LRRC63: variants seen among roughly 807,000 people sequenced by gnomAD.
The protein encoded by LRRC63 is leucine-rich repeat-containing protein 63.
LRRC63 carries 40 observed loss-of-function variants against 49.5 expected under a neutral mutation model. The observed-to-expected ratio is 0.81, with a 90% CI of 0.63 to 1.05. The LOEUF (loss-of-function observed/expected upper bound fraction) is 1.05, where lower values mean the gene tolerates loss of function less well. Among genes scored for constraint, LRRC63 ranks in the 50% least tolerant of loss-of-function variants. LRRC63 has a pLI of 0.00. For missense variants in LRRC63, 636 were observed against 663.1 expected, an observed-to-expected ratio of 0.96 and a Z score of 0.45; for synonymous variants, 191 against 221.1, an observed-to-expected ratio of 0.86 and a Z score of 1.21.
intron 4 of LRRC63, among the ~76,000 whole-genome samples, chr13:46,228,965 T>G (rs1180021759): frequency 6.6e-6 from 1 of 152,164 alleles, no homozygotes; most frequent in Non-Finnish European, 1.5e-5. Flanking sequence ...ACTCGTAATC[T>G]GGGTGGGGTG....
intron 7 of LRRC63, among the ~76,000 whole-genome samples, chr13:46,259,395 C>A (rs1369622409): frequency 2.0e-5 from 3 of 151,966 alleles, no homozygotes; most frequent in African/African-American, 7.3e-5. Flanking sequence ...AAGGTTAAAA[C>A]AAAAAGTCTT....
chr13:46,216,217 A>G (rs1171269613), intron 2 of LRRC63, among the ~76,000 whole-genome samples: 1 of 152,136 alleles, frequency 6.6e-6, no homozygotes, highest in East Asian at 1.9e-4. Context: ...CAGTATGGCC[A>G]TTTTCACGAT....
At chr13:46,271,330 T>C (rs1162120932) in intron 9 of LRRC63, among the ~76,000 whole-genome samples, 1 of 152,200 alleles carries the variant, frequency 6.6e-6, no homozygotes, top group Non-Finnish European at 1.5e-5. Context: ...CCGCCTTTCT[T>C]ACCCAATCTG....
At chr13:46,262,914 G>A (rs1184638507) in intron 8 of LRRC63, among the ~76,000 whole-genome samples, 1 of 151,830 alleles carries the variant, frequency 6.6e-6, no homozygotes, top group Non-Finnish European at 1.5e-5. Flanking sequence ...ATTTTATTTT[G>A]TTTCCTAGGA....
intron 9 of LRRC63, chr13:46,270,444 A>G (rs1281308931): frequency 1.3e-6 from 1 of 790,338 alleles, no homozygotes; most frequent in Non-Finnish European, 2.3e-6. Flanking sequence ...ATGGAAGTGA[A>G]TGAAAAACAT....
intron 2 of LRRC63, among the ~76,000 whole-genome samples, chr13:46,215,536 T>C (rs1007120824): frequency 6.6e-6 from 1 of 152,200 alleles, no homozygotes. Flanking sequence ...GATGGGTAGA[T>C]TGCAGAAGTT....
At chr13:46,229,365 G>A (rs968532187) in intron 4 of LRRC63, among the ~76,000 whole-genome samples, 7 of 152,190 alleles carry the variant, frequency 4.6e-5, no homozygotes, top group African/African-American at 1.7e-4. Context: ...GAAGGAACTG[G>A]ACAGTAACCA....
intron 5 of LRRC63, among the ~76,000 whole-genome samples, chr13:46,237,968 A>G (rs930619913): frequency 6.6e-6 from 1 of 152,200 alleles, no homozygotes; most frequent in Non-Finnish European, 1.5e-5. Context: ...CAAACAAAGA[A>G]AAATCCAGGA....
chr13:46,246,447 C>T, intron 5 of LRRC63, 80 bp from the exon 6 acceptor site: 1 of 555,062 alleles, frequency 1.8e-6, no homozygotes, highest in Non-Finnish European at 2.9e-6. Flanking sequence ...AAATTATGTG[C>T]TGATTTTGTT....
At chr13:46,233,231 T>C (rs1200020805) in intron 4 of LRRC63, among the ~76,000 whole-genome samples, 3 of 152,170 alleles carry the variant, frequency 2.0e-5, no homozygotes, top group Admixed American at 1.3e-4. Flanking sequence ...CAACCAACTC[T>C]GTGGGCTTAG....
intron 7 of LRRC63, among the ~76,000 whole-genome samples, chr13:46,258,611 C>CA (rs1395789935): frequency 2.0e-5 from 3 of 150,098 alleles, no homozygotes; most frequent in Non-Finnish European, 4.5e-5. Flanking sequence ...AGATCGAGAC[C>CA]ATCCTGGCCA....
chr13:46,213,091 GTCTT>G lies in LRRC63; in HGVS notation c.59_62del (p.Ser20TyrfsTer19). The G allele has an allele frequency of 6.5e-7, 1 of 1,549,006 alleles. No homozygotes were observed. The highest frequency in any genetic ancestry group is 1.4e-5 in the African/African-American group (1 of 73,034). On this transcript the variant is annotated frameshift_variant, in exon 2 of 10. Transcript: ENST00000595396. LOFTEE classifies it high-confidence loss of function. Reference sequence around the variant, plus strand: ...CCTTACCTCCAAAATTCACTAAGCTGTCTTTACATGAGAAAAAAACCCATACAGG... The same window carrying G: ...CCTTACCTCCAAAATTCACTAAGCTGTACATGAGAAAAAAACCCATACAGG...
intron 5 of LRRC63, among the ~76,000 whole-genome samples, chr13:46,237,357 A>G (rs2138453772): frequency 6.6e-6 from 1 of 152,294 alleles, no homozygotes; most frequent in South Asian, 2.1e-4. Context: ...TGTGAACTAT[A>G]ATGTAAACTA....
At chr13:46,245,215 G>A (rs1164789524) in intron 5 of LRRC63, among the ~76,000 whole-genome samples, 1 of 152,074 alleles carries the variant, frequency 6.6e-6, no homozygotes, top group Non-Finnish European at 1.5e-5. Flanking sequence ...AAATTTGACA[G>A]AACTAAAGTG....
At chr13:46,256,922 T>C (rs750772565) in intron 7 of LRRC63, among the ~76,000 whole-genome samples, 1 of 152,210 alleles carries the variant, frequency 6.6e-6, no homozygotes, top group African/African-American at 2.4e-5. Context: ...TACCAGAACA[T>C]GTGAATATGT....
At chr13:46,228,261 ATGGTACC>A in intron 3 of LRRC63, 72 bp downstream of exon 3, 1 of 1,162,596 alleles carries the variant, frequency 8.6e-7, no homozygotes, top group Non-Finnish European at 1.2e-6. Context: ...ATGCAAGCTA[ATGGTACC>A]CCTCCCGCTT....
intron 5 of LRRC63, among the ~76,000 whole-genome samples, chr13:46,240,581 C>A (rs2047033937): frequency 6.6e-6 from 1 of 152,094 alleles, no homozygotes; most frequent in South Asian, 2.1e-4. Flanking sequence ...GTCTAGAAAA[C>A]CTCGTAGTCT....
chr13:46,215,143 G>A (rs1202052975), intron 2 of LRRC63, among the ~76,000 whole-genome samples: 1 of 152,164 alleles, frequency 6.6e-6, no homozygotes, highest in African/African-American at 2.4e-5. Flanking sequence ...TGGGATTGCT[G>A]GATCAAATGG....
In LRRC63 at chr13:46,225,717, TCTTA is replaced by T. The variant is rs373754912; in HGVS notation, c.86-1792_86-1789del. On this transcript the variant is annotated intron_variant, in intron 2 of 9. Coordinates refer to ENST00000595396, the Ensembl canonical transcript of LRRC63. Reference sequence around the variant, plus strand: ...CTTAAGTAGGAAGCAAACATTATTTTCTTACTACTGCCCTTCAATCTCATGTGGC... The same window carrying T: ...CTTAAGTAGGAAGCAAACATTATTTTCTACTGCCCTTCAATCTCATGTGGC... 1.2e-3 allele frequency among the ~76,000 whole-genome samples: 183 copies of T among 152,356 alleles called. 1 individual carries two copies. The highest frequency in any genetic ancestry group is 4.2e-3 in the African/African-American group (176 of 41,590).
Sources: allele counts gnomAD v4.1 joint callset (sites outside exome capture counted in the v4.1 genomes callset), GRCh38; gene constraint gnomAD v4.1.1; transcripts MANE v1.5; gene names NCBI Gene and HGNC (gene_info 2026-07-23, HGNC 2026-07-21).